Variants in NRXN2 observed in about 807,000 individuals in gnomAD.
NRXN2 encodes neurexin-2-beta.
A neutral mutation model predicts 128.8 loss-of-function variants in NRXN2; 29 were observed. The ratio of observed to expected loss-of-function variants is 0.23; its 90% CI spans 0.17 to 0.31. The LOEUF is 0.31. Among genes scored for constraint, NRXN2 ranks in the 10% least tolerant of loss-of-function variants. NRXN2 has a pLI of 1.00. For synonymous variants in NRXN2, 1,098 were observed against 1,075.2 expected (o/e 1.02, Z -0.41); for missense variants, 1,881 against 2,452.6 (o/e 0.77, Z 4.92).
chr11:64,676,878 G>T (rs1416302343), intron 7 of NRXN2, 115 bp downstream of exon 7: 3 of 802,042 alleles, frequency 3.7e-6, no homozygotes, highest in Non-Finnish European at 6.5e-6. Flanking sequence ...AAAAACAATT[G>T]GAAGAGCAAA....
rs535799652 is a variant in NRXN2 at position 64,633,211 on chromosome 11, C to T, written c.3585+2060G>A. On this transcript the variant is annotated intron_variant, in intron 18 of 22. Transcript: ENST00000265459. ...AGAAAAGGAGGAAATCCCTTCTCCT[C>T]GCATCCTGATCCCCCTACCCTTTCT... Among the ~76,000 whole-genome samples the T allele has an allele frequency of 2.6e-5, 4 of 152,340 alleles. No individual in the cohort carries two copies. In the East Asian group the frequency reaches 5.8e-4, roughly 22 times the overall value.
At chr11:64,636,413 G>A (rs922186310) in intron 17 of NRXN2, among the ~76,000 whole-genome samples, 2 of 151,080 alleles carry the variant, frequency 1.3e-5, no homozygotes, top group Non-Finnish European at 3.0e-5. Context: ...GGGTGGGGGT[G>A]GGGGGCTGGT....
chr11:64,701,775 T>A, intron 2 of NRXN2, among the ~76,000 whole-genome samples: 1 of 151,292 alleles, frequency 6.6e-6, no homozygotes, highest in East Asian at 2.0e-4. Context: ...GGGGGGGAAG[T>A]GGGGGGATCA....
intron 1 of NRXN2, among the ~76,000 whole-genome samples, chr11:64,715,599 G>A (rs2057278985): frequency 6.6e-6 from 1 of 152,066 alleles, no homozygotes; most frequent in Non-Finnish European, 1.5e-5. Flanking sequence ...AAGGTAGTCG[G>A]GAGCGTTGGG....
In NRXN2 at chr11:64,635,162, G is replaced by C; in HGVS notation, c.3585+109C>G. ...GCAATGAGGGAACAGAGGTTCTGAGGGTTCCCCATGAGGGAAGACTTGAGG... is the reference window on the plus strand; with the variant it reads ...GCAATGAGGGAACAGAGGTTCTGAGCGTTCCCCATGAGGGAAGACTTGAGG... On this transcript the variant is annotated intron_variant, in intron 18 of 22. Transcript: ENST00000265459. The surrounding 1 kb of genome is among the most constrained non-coding windows in gnomAD (Gnocchi z 4.8). 7.9e-7 allele frequency: 1 copy of C among 1,262,952 alleles called. No homozygotes were observed. The highest frequency in any genetic ancestry group is 1.2e-5 in the South Asian group (1 of 80,926). 78.2% of individuals were successfully genotyped at this position (1,262,952 alleles called of 1,614,324 possible).
intron 9 of NRXN2, among the ~76,000 whole-genome samples, chr11:64,665,057 C>T (rs1336115415): frequency 1.2e-4 from 18 of 150,236 alleles, no homozygotes; most frequent in Non-Finnish European, 2.4e-4. Flanking sequence ...CCAAGGCGGG[C>T]GGATCATGAG....
chr11:64,690,774 C>A (rs2053698688), intron 4 of NRXN2, among the ~76,000 whole-genome samples: 1 of 152,158 alleles, frequency 6.6e-6, no homozygotes, highest in East Asian at 1.9e-4. Flanking sequence ...CAGGATCCCT[C>A]CTTCCCCACA....
rs948607920 is a variant in NRXN2, at chr11:64,714,398, TA to T, written c.-244-456del. On this transcript the variant is annotated intron_variant, in intron 1 of 22. Transcript: ENST00000265459. This position sits in a 1 kb window ranked among gnomAD's most constrained non-coding sequence, Gnocchi z 4.5. ...CCTCTCATCAGCTCTTGATACTGGA[TA>T]ATGAAGTTGCTAAATAATTCATTGG... 6.6e-6 allele frequency among the ~76,000 whole-genome samples: 1 copy of T among 152,180 alleles called. No individual in the cohort carries two copies. Among genetic ancestry groups the T allele is most frequent in the Non-Finnish European group, 1.5e-5 (1 of 68,042 alleles).
intron 6 of NRXN2, among the ~76,000 whole-genome samples, chr11:64,677,553 C>T (rs2051518842): frequency 6.6e-6 from 1 of 152,204 alleles, no homozygotes; most frequent in Admixed American, 6.5e-5. Flanking sequence ...CCTTGGTCCC[C>T]TGGGTTATAA....
chr11:64,641,307 G>C (rs2045628704), intron 17 of NRXN2, among the ~76,000 whole-genome samples: 1 of 152,038 alleles, frequency 6.6e-6, no homozygotes, highest in Admixed American at 6.5e-5. Context: ...TAGAGGTAAT[G>C]GGGCTACCCT....
rs879753655 is a variant in NRXN2 at position 64,622,762 on chromosome 11, G to T, written c.4164C>A (p.Ser1388Arg). Residue 1388 changes from serine to arginine, a missense_variant, in exon 21 of 23, where the codon AGC (serine) becomes AGA (arginine). By Grantham distance (110) the Ser-to-Arg change is moderately radical. Around this residue, in one of 7 missense-constraint regions of NRXN2, gnomAD observed 108 missense variants for 165.2 expected, o/e 0.65. Coordinates refer to ENST00000265459, the MANE Select transcript of NRXN2 (RefSeq NM_015080.4). This position sits in a 1 kb window ranked among gnomAD's most constrained non-coding sequence, Gnocchi z 4.3. The stretch of plus-strand genomic sequence containing the variant: ...CAGAGTGGGGCCTCACCTGGGTGGT[G>T]CTGTCCCTCAGTGTGGGGGAGCGGC... ...RRGRSPTLRD[S>R]TTQNTDDLLV... 2 of 1,608,656 alleles carry T rather than the reference G, an allele frequency of 1.2e-6. No homozygotes were observed. Among genetic ancestry groups the T allele is most frequent in the Non-Finnish European group, 1.7e-6 (2 of 1,178,466 alleles).
rs2043990772 is a variant in NRXN2, at chr11:64,632,075, G to A, written c.3586-1502C>T. Among the ~76,000 whole-genome samples, 2 of 152,338 alleles carry A rather than the reference G, an allele frequency of 1.3e-5. No individual in the cohort carries two copies. The highest frequency in any genetic ancestry group is 1.9e-4 in the East Asian group (1 of 5,190). On this transcript the variant is annotated intron_variant, in intron 18 of 22. Transcript: ENST00000265459. The surrounding 1 kb of genome is among the most constrained non-coding windows in gnomAD (Gnocchi z 4.2). ...CCTCCTTCCTGCATCTAGCAGAGCC[G>A]AGAGGCTTGGTGGCACTGGGGGTGT...
At chr11:64,640,588 A>G (rs2045516725) in intron 17 of NRXN2, among the ~76,000 whole-genome samples, 1 of 151,984 alleles carries the variant, frequency 6.6e-6, no homozygotes, top group African/African-American at 2.4e-5. Context: ...AAGGTCCAGG[A>G]GCAAGGGGTT....
chr11:64,620,361 G>A lies in NRXN2; in HGVS notation c.4185C>T (p.Asp1395=), dbSNP rs1479324889. Reference sequence around the variant, plus strand: ...GACACTCAGCAGAGGCCACCAGCAGGTCATCTGTGTTCTGAGGGGCGAGAG... The same window carrying A: ...GACACTCAGCAGAGGCCACCAGCAGATCATCTGTGTTCTGAGGGGCGAGAG... ...LRDSTTQNTD[D]LLVASAECPS... The change falls in exon 22 of 23, where the codon GAC becomes GAT. Residue 1395 remains aspartate, a synonymous_variant. Coordinates refer to ENST00000265459, the MANE Select transcript of NRXN2 (RefSeq NM_015080.4). 5 of 1,553,488 alleles carry A rather than the reference G, an allele frequency of 3.2e-6. No homozygotes were observed. The highest frequency in any genetic ancestry group is 3.9e-5 in the Admixed American group (2 of 51,344).
In NRXN2 at chr11:64,630,591, G is replaced by C. The variant is rs1337051438; in HGVS notation, c.3586-18C>G. 1.2e-6 allele frequency: 2 copies of C among 1,613,600 alleles called. No individual in the cohort carries two copies. Among genetic ancestry groups the C allele is most frequent in the Non-Finnish European group, 1.7e-6 (2 of 1,179,986 alleles). Reference sequence around the variant, plus strand: ...CCCTGGTCCTGGGGACATGGAGGTGGAGGTCAGCGACCAGAGGGAGCAACC... The same window carrying C: ...CCCTGGTCCTGGGGACATGGAGGTGCAGGTCAGCGACCAGAGGGAGCAACC... On this transcript the variant is annotated intron_variant, in intron 18 of 22. Coordinates refer to ENST00000265459, the MANE Select transcript of NRXN2 (RefSeq NM_015080.4). The surrounding 1 kb of genome is among the most constrained non-coding windows in gnomAD (Gnocchi z 4.6).
chr11:64,662,523 T>G (rs896724236), intron 9 of NRXN2, among the ~76,000 whole-genome samples: 4 of 152,208 alleles, frequency 2.6e-5, no homozygotes, highest in African/African-American at 9.7e-5. Flanking sequence ...GGCCCACGCC[T>G]GTAATCCCAG....
chr11:64,699,633 G>A (rs908409969), intron 2 of NRXN2, among the ~76,000 whole-genome samples: 9 of 151,950 alleles, frequency 5.9e-5, no homozygotes, highest in African/African-American at 1.9e-4. Context: ...GGCTAGTCTC[G>A]AACTCCCAAC....
chr11:64,655,356 G>A (rs999696105), intron 11 of NRXN2, among the ~76,000 whole-genome samples: 5 of 152,188 alleles, frequency 3.3e-5, no homozygotes, highest in Admixed American at 3.3e-4. Context: ...GAATGAGGTA[G>A]AGAGAGTGCA....
rs2135244402 is a variant in NRXN2, at chr11:64,606,525, A to C, written c.*671T>G. ...GCACACACAGAACAGGCCTTCCGTC[A>C]GGCCTGAGCCCCTTCCCTGGGCGGC... is the stretch of plus-strand genomic sequence containing the variant. On this transcript the variant is annotated 3_prime_UTR_variant, in exon 23 of 23. Transcript: ENST00000265459. The C allele has an allele frequency of 7.1e-6, 1 of 139,864 alleles. No homozygotes were observed. The highest frequency in any genetic ancestry group is 2.2e-4 in the East Asian group (1 of 4,472). 8.7% of individuals were successfully genotyped at this position (139,864 alleles called of 1,614,324 possible).
Sources: allele counts gnomAD v4.1 joint callset (sites outside exome capture counted in the v4.1 genomes callset), GRCh38; gene constraint gnomAD v4.1.1; regional missense constraint gnomAD v4.1.1; non-coding constraint Gnocchi (gnomAD v3.1); transcripts MANE v1.5; gene names NCBI Gene and HGNC (gene_info 2026-07-23, HGNC 2026-07-21).